The following ARRB1 variants were observed in gnomAD, a reference collection of about 807,000 sequenced individuals.
ARRB1 encodes the protein arrestin beta 1, also known as beta-arrestin-1.
A neutral mutation model predicts 56.8 loss-of-function variants in ARRB1; 21 were observed. The observed-to-expected ratio is 0.37, with a 90% confidence interval of 0.26 to 0.53. The LOEUF is 0.53. Ranked by LOEUF, ARRB1 falls within the 20% of genes least tolerant of loss-of-function variation. The pLI is 0.88. For synonymous variants in ARRB1, 210 were observed against 218.6 expected (o/e 0.96, Z 0.35); for missense variants, 424 against 553.7 (o/e 0.77, Z 2.35).
intron 1 of ARRB1, among the ~76,000 whole-genome samples, chr11:75,311,538 G>T (rs1193545744): frequency 6.6e-6 from 1 of 152,182 alleles, no homozygotes; most frequent in East Asian, 1.9e-4. Context: ...GCTATGCATG[G>T]AATGCACATC....
intron 5 of ARRB1, chr11:75,282,226 C>G (rs1295216586): frequency 1.8e-6 from 1 of 544,534 alleles, no homozygotes; most frequent in African/African-American, 1.9e-5. Flanking sequence ...TTTGGCCCAG[C>G]CCAGTCCTCG....
intron 10 of ARRB1, 179 bp from the exon 11 acceptor site, chr11:75,274,390 C>T (rs1946145260): frequency 1.5e-6 from 1 of 669,338 alleles, no homozygotes; most frequent in Non-Finnish European, 2.5e-6. Flanking sequence ...ACCACTGCCA[C>T]TCAAAAGAGG....
intron 1 of ARRB1, among the ~76,000 whole-genome samples, chr11:75,327,105 G>T (rs1484336721): frequency 6.6e-6 from 1 of 151,802 alleles, no homozygotes; most frequent in African/African-American, 2.4e-5. Context: ...ACGAGGTCAG[G>T]AGATCAAGAC....
At chr11:75,350,459 C>T (rs1947829285) in intron 1 of ARRB1, among the ~76,000 whole-genome samples, 1 of 152,156 alleles carries the variant, frequency 6.6e-6, no homozygotes, top group Non-Finnish European at 1.5e-5. Context: ...GGAGAGGCTG[C>T]TGTGCCCACT....
intron 1 of ARRB1, among the ~76,000 whole-genome samples, chr11:75,313,116 G>A (rs924506343): frequency 5.9e-5 from 9 of 152,140 alleles, no homozygotes; most frequent in Admixed American, 1.3e-4. Flanking sequence ...ACTTTGGGAG[G>A]CCAAGGCGGG....
At chr11:75,319,565 T>C (rs1165348719) in intron 1 of ARRB1, among the ~76,000 whole-genome samples, 2 of 152,302 alleles carry the variant, frequency 1.3e-5, no homozygotes, top group East Asian at 3.9e-4. Context: ...ACCTTGTCCG[T>C]CCTCACTGCT....
intron 1 of ARRB1, among the ~76,000 whole-genome samples, chr11:75,314,375 C>T (rs1280787459): frequency 6.6e-6 from 1 of 152,150 alleles, no homozygotes; most frequent in African/African-American, 2.4e-5. Context: ...CCAGGGATGC[C>T]CCCCCTCCAG....
intron 1 of ARRB1, among the ~76,000 whole-genome samples, chr11:75,294,092 C>A (rs1318055264): frequency 6.6e-6 from 1 of 152,066 alleles, no homozygotes; most frequent in African/African-American, 2.4e-5. Context: ...TTTGATTGGT[C>A]AGCACTGGTC....
At chr11:75,277,767 C>G (rs901975065) in intron 8 of ARRB1, among the ~76,000 whole-genome samples, 1 of 152,254 alleles carries the variant, frequency 6.6e-6, no homozygotes, top group Non-Finnish European at 1.5e-5. Flanking sequence ...CCTGGTGGGA[C>G]CCTTGAAAGA....
chr11:75,317,326 C>A (rs914948676), intron 1 of ARRB1, among the ~76,000 whole-genome samples: 1 of 152,112 alleles, frequency 6.6e-6, no homozygotes, highest in Non-Finnish European at 1.5e-5. Flanking sequence ...TCTCCTCCCT[C>A]CAGGTGCTCT....
At position 75,296,185 on chromosome 11, in the gene ARRB1, CAAAAAAAA is replaced by C. The variant is rs11428462; in HGVS notation, c.21-6154_21-6147del. ...TGGGCGACAGAGTAAGACTTTGTCTCAAAAAAAAAAAAAAAAAAAAAAGAGTATTATTT... is the reference window on the plus strand; with the variant it reads ...TGGGCGACAGAGTAAGACTTTGTCTCAAAAAAAAAAAAAAGAGTATTATTT... On this transcript the variant is annotated intron_variant, in intron 1 of 15. Transcript: ENST00000420843. Among the ~76,000 whole-genome samples, 247 of 84,876 alleles carry C rather than the reference CAAAAAAAA, an allele frequency of 2.9e-3. 2 individuals are homozygous for C. The highest frequency in any genetic ancestry group is 0.011 in the African/African-American group (229 of 20,382). 55.7% of individuals were successfully genotyped at this position (84,876 alleles called of 152,430 possible).
intron 1 of ARRB1, among the ~76,000 whole-genome samples, chr11:75,350,516 C>A (rs1170728561): frequency 6.6e-6 from 1 of 152,174 alleles, no homozygotes. Context: ...CAACGCTGAG[C>A]CCCTGACCAG....
chr11:75,331,296 C>T (rs1377433438), intron 1 of ARRB1, among the ~76,000 whole-genome samples: 1 of 152,186 alleles, frequency 6.6e-6, no homozygotes. Context: ...CAGGGGTGAC[C>T]CACCATGCCT....
Position 75,262,222 on chromosome 11 carries a change from C to G in ARRB1, c.*3941G>C, listed in dbSNP as rs926339203. ...GCTCCCTGAGCCTGGGGGCTGGTGG[C>G]TCTCTTTAACCTGGGTCAGAGCCAA... is the stretch of plus-strand genomic sequence containing the variant. On this transcript the variant is annotated 3_prime_UTR_variant, in exon 16 of 16. Coordinates refer to ENST00000420843, the MANE Select transcript of ARRB1 (RefSeq NM_004041.5). The G allele has an allele frequency of 2.0e-5, 3 of 152,344 alleles. No individual in the cohort carries two copies. Among genetic ancestry groups the G allele is most frequent in the Admixed American group, 2.0e-4 (3 of 15,304 alleles). 9.4% of individuals were successfully genotyped at this position (152,344 alleles called of 1,614,324 possible). A position where few individuals can be genotyped will look rare whatever the true frequency, so the allele number is the denominator to read the frequency against.
chr11:75,350,781 A>T (rs1180819158), intron 1 of ARRB1, among the ~76,000 whole-genome samples: 3 of 152,160 alleles, frequency 2.0e-5, no homozygotes, highest in Non-Finnish European at 4.4e-5. Context: ...TGTTTTCCCC[A>T]GGCTGGGGGT....
intron 1 of ARRB1, among the ~76,000 whole-genome samples, chr11:75,348,724 A>G (rs1403493897): frequency 2.6e-5 from 4 of 152,000 alleles, no homozygotes; most frequent in African/African-American, 9.7e-5. Context: ...CAGCCTCCAG[A>G]GTAGTTAGGA....
At chr11:75,321,694 A>G (rs1947351884) in intron 1 of ARRB1, among the ~76,000 whole-genome samples, 1 of 152,040 alleles carries the variant, frequency 6.6e-6, no homozygotes, top group Non-Finnish European at 1.5e-5. Flanking sequence ...AAATGGGATG[A>G]TAGCAGTGCC....
At position 75,272,196 on chromosome 11, in the gene ARRB1, A is replaced by G. The variant is rs150783164; in HGVS notation, c.999-472T>C. On this transcript the variant is annotated intron_variant, in intron 12 of 15. Transcript: ENST00000420843. ...CCTGCCAAGAGGCATTCTTCTAATA[A>G]TCAAGGAGACCCAATGTCTAATGGG... 1.4e-3 allele frequency among the ~76,000 whole-genome samples: 208 copies of G among 152,382 alleles called. 6 individuals are homozygous for G. The East Asian group carries it at 0.036, about 27-fold the overall frequency.
At chr11:75,350,568 C>G (rs1478492714) in intron 1 of ARRB1, among the ~76,000 whole-genome samples, 1 of 152,200 alleles carries the variant, frequency 6.6e-6, no homozygotes, top group Non-Finnish European at 1.5e-5. Context: ...GGCTGTCCTG[C>G]TCCAGCCCCC....
Sources: gnomAD v4.1 joint callset for allele counts (sites outside exome capture counted in the v4.1 genomes callset) on GRCh38, gnomAD v4.1.1 for gene constraint, MANE v1.5 for transcripts, NCBI Gene and HGNC (gene_info 2026-07-23, HGNC 2026-07-21) for gene names.